The following NETO2 variants were observed in gnomAD, a reference collection of about 807,000 sequenced individuals.
NETO2 encodes neuropilin and tolloid-like protein 2.
A neutral mutation model predicts 62.5 loss-of-function variants in NETO2; 28 were observed. The ratio of observed to expected loss-of-function variants is 0.45; its 90% CI spans 0.33 to 0.61. NETO2 has a LOEUF of 0.61. NETO2 is among the 20% of genes least tolerant of loss of function. NETO2 has a pLI of 0.02. For synonymous variants in NETO2, 214 were observed against 219.1 expected (o/e 0.98, Z 0.21); for missense variants, 548 against 643.2 (o/e 0.85, Z 1.60).
At chr16:47,130,313 C>G (rs1964239071) in intron 2 of NETO2, among the ~76,000 whole-genome samples, 1 of 152,146 alleles carries the variant, frequency 6.6e-6, no homozygotes, top group African/African-American at 2.4e-5. Context: ...AGTGTCAGAT[C>G]TGTCAACAGT....
chr16:47,137,285 C>G (rs901098981), intron 1 of NETO2, among the ~76,000 whole-genome samples: 1 of 152,212 alleles, frequency 6.6e-6, no homozygotes. Context: ...TTCAGAGACT[C>G]TGATCCACTG....
chr16:47,095,623 C>T (rs1963412226), intron 7 of NETO2, among the ~76,000 whole-genome samples: 1 of 152,078 alleles, frequency 6.6e-6, no homozygotes, highest in Non-Finnish European at 1.5e-5. Flanking sequence ...CGATTATAAA[C>T]ATATATGGAC....
At position 47,077,818 on chromosome 16, in the gene NETO2, CCTT is replaced by C. The variant is rs1197052445; in HGVS notation, c.*5400_*5402del. The C allele has an allele frequency of 6.6e-6, 1 of 152,092 alleles. No individual in the cohort carries two copies. The highest frequency in any genetic ancestry group is 1.5e-5 in the Non-Finnish European group (1 of 68,034). The allele number at this position is 152,092 out of a possible 1,614,324, so 9.4% of individuals were successfully genotyped here. ...TTTACAGAGACAGACCAGTGGTAAA[CCTT>C]CTTTCTTCTTCCTCTGTGCCCTGAT... On this transcript the variant is annotated 3_prime_UTR_variant, in exon 9 of 9. Coordinates refer to ENST00000562435, the MANE Select transcript of NETO2 (RefSeq NM_018092.5).
rs1172082903 is a variant in NETO2 at position 47,143,815 on chromosome 16, C to T, written c.-203G>A. The T allele has an allele frequency of 8.1e-6, 5 of 616,866 alleles. No homozygotes were observed. Among genetic ancestry groups the T allele is most frequent in the African/African-American group, 7.8e-5 (4 of 51,440 alleles). The allele number at this position is 616,866 out of a possible 1,614,324, so 38.2% of individuals were successfully genotyped here. A position where few individuals can be genotyped will look rare whatever the true frequency, so the allele number is the denominator to read the frequency against. Reference sequence around the variant, plus strand: ...GTGGGCTCCCGCGCGGCCCGAGCACCCCGACGGGCGCCGCCTCCTGCTCCG... The same window carrying T: ...GTGGGCTCCCGCGCGGCCCGAGCACTCCGACGGGCGCCGCCTCCTGCTCCG... On this transcript the variant is annotated 5_prime_UTR_variant, in exon 1 of 9. Coordinates refer to ENST00000562435, the MANE Select transcript of NETO2 (RefSeq NM_018092.5).
chr16:47,142,988 G>A (rs1964492500), intron 1 of NETO2, among the ~76,000 whole-genome samples: 1 of 151,770 alleles, frequency 6.6e-6, no homozygotes, highest in Admixed American at 6.6e-5. Context: ...AGCCGGGTCC[G>A]CGGCGCCCGC....
At chr16:47,123,294 T>C (rs1241918345) in intron 4 of NETO2, among the ~76,000 whole-genome samples, 2 of 152,196 alleles carry the variant, frequency 1.3e-5, no homozygotes, top group Non-Finnish European at 2.9e-5. Context: ...ATGGTGGTAA[T>C]AGTTGCATAA....
chr16:47,133,433 C>G lies in NETO2; in HGVS notation c.35-1408G>C, dbSNP rs1034149790. On this transcript the variant is annotated intron_variant, in intron 1 of 8. Coordinates refer to ENST00000562435, the MANE Select transcript of NETO2 (RefSeq NM_018092.5). ...ATTAGCCAGGCATGGTGGCATGTGC[C>G]TATAGTCCTAGCCACTTGGGAGGCT... Among the ~76,000 whole-genome samples, 66 of 151,476 alleles carry G rather than the reference C, an allele frequency of 4.4e-4. 1 individual carries two copies. Among genetic ancestry groups the G allele is most frequent in the Non-Finnish European group, 1.5e-4 (10 of 67,920 alleles).
chr16:47,097,554 G>A (rs1322052488), intron 7 of NETO2, among the ~76,000 whole-genome samples: 1 of 152,164 alleles, frequency 6.6e-6, no homozygotes, highest in African/African-American at 2.4e-5. Context: ...TCCCATCTCC[G>A]TGGGACAGAG....
rs1333837965 is a variant in NETO2 at position 47,079,992 on chromosome 16, T to G, written c.*3229A>C. 1 of 152,198 alleles carries G rather than the reference T, an allele frequency of 6.6e-6. No homozygotes were observed. The highest frequency in any genetic ancestry group is 1.5e-5 in the Non-Finnish European group (1 of 68,036). 9.4% of individuals were successfully genotyped at this position (152,198 alleles called of 1,614,324 possible). Reference sequence around the variant, plus strand: ...ACCATACAAATGTTCAGAGGCAGACTTTCAGGAGGTTCTTTTAAAGTCTAA... The same window carrying G: ...ACCATACAAATGTTCAGAGGCAGACGTTCAGGAGGTTCTTTTAAAGTCTAA... On this transcript the variant is annotated 3_prime_UTR_variant, in exon 9 of 9. Coordinates refer to ENST00000562435, the MANE Select transcript of NETO2 (RefSeq NM_018092.5).
intron 3 of NETO2, 48 bp from the exon 4 acceptor site, chr16:47,128,621 T>C: frequency 6.3e-7 from 1 of 1,575,238 alleles, no homozygotes. Context: ...CAAGAAAGAA[T>C]ATAAATGTAT....
chr16:47,097,185 C>G (rs1287726387), intron 7 of NETO2, among the ~76,000 whole-genome samples: 1 of 152,178 alleles, frequency 6.6e-6, no homozygotes, highest in Admixed American at 6.5e-5. Flanking sequence ...TGTTCATTCC[C>G]CTGGAAAGGG....
rs1333508908 is a variant in NETO2, at chr16:47,078,774, A to G, written c.*4447T>C. 1.3e-5 allele frequency: 2 copies of G among 152,244 alleles called. No individual in the cohort carries two copies. The highest frequency in any genetic ancestry group is 2.1e-4 in the South Asian group (1 of 4,838). 9.4% of individuals were successfully genotyped at this position (152,244 alleles called of 1,614,324 possible). On this transcript the variant is annotated 3_prime_UTR_variant, in exon 9 of 9. Transcript: ENST00000562435. ...AAGAACACAGGAGCTCTTCCTGCCT[A>G]GTATCGAGCCTGTATACTGTTAACA...
At position 47,083,244 on chromosome 16, in the gene NETO2, C is replaced by T. The variant is rs1241500296; in HGVS notation, c.1555G>A (p.Ala519Thr). 6.2e-7 allele frequency: 1 copy of T among 1,612,522 alleles called. No individual in the cohort carries two copies. Among genetic ancestry groups the T allele is most frequent in the Non-Finnish European group, 8.5e-7 (1 of 1,178,976 alleles). The change falls in exon 9 of 9, where the codon GCA becomes ACA. Residue 519 changes from alanine (A) to threonine (T), a missense_variant. Coordinates refer to ENST00000562435, the MANE Select transcript of NETO2 (RefSeq NM_018092.5). The stretch of plus-strand genomic sequence containing the variant: ...GATTAGAAGTCAATGGATATGGATG[C>T]TTGTGCAGAATCTTCTCGCCCCCTG... ...YVRGREDSAQ[A>T]SISIDF
chr16:47,083,509 G>A lies in NETO2; in HGVS notation c.1290C>T (p.Thr430=), dbSNP rs746323210. 54 of 1,614,224 alleles carry A rather than the reference G, an allele frequency of 3.3e-5. No individual in the cohort carries two copies. Among genetic ancestry groups the A allele is most frequent in the South Asian group, 2.2e-4 (20 of 91,082 alleles). ...DNYQKMRRSS[T]ASRCIHDHHC... is the part of the protein sequence containing the mutation. ...GGTGGTCGTGGATGCAGCGGGAGGC[G>A]GTGGAGGAGCGCCGCATCTTCTGGT... Residue 430 remains threonine (T), a synonymous_variant, in exon 9 of 9, where the codon ACC becomes ACT. Transcript: ENST00000562435.
In NETO2 at chr16:47,143,878, G is replaced by A. The variant is rs1964520479; in HGVS notation, c.-266C>T. 1 of 250,976 alleles carries A rather than the reference G, an allele frequency of 4.0e-6. No homozygotes were observed. 15.5% of individuals were successfully genotyped at this position (250,976 alleles called of 1,614,324 possible). A position where few individuals can be genotyped will look rare whatever the true frequency, so the allele number is the denominator to read the frequency against. On this transcript the variant is annotated 5_prime_UTR_variant, in exon 1 of 9. Coordinates refer to ENST00000562435, the MANE Select transcript of NETO2 (RefSeq NM_018092.5). Reference sequence around the variant, plus strand: ...CCATCGACCGCCCGAGGGCCGAGGAGTGCGGACGCGCGGCGCGGGACCGGC... The same window carrying A: ...CCATCGACCGCCCGAGGGCCGAGGAATGCGGACGCGCGGCGCGGGACCGGC...
chr16:47,120,557 G>A (rs1259160426), intron 6 of NETO2, among the ~76,000 whole-genome samples: 2 of 152,142 alleles, frequency 1.3e-5, no homozygotes. Flanking sequence ...ATTGTTGACT[G>A]TAGTCACTGT....
At chr16:47,104,427 C>T (rs1963625314) in intron 7 of NETO2, among the ~76,000 whole-genome samples, 1 of 152,172 alleles carries the variant, frequency 6.6e-6, no homozygotes, top group African/African-American at 2.4e-5. Flanking sequence ...AATGGGAAGA[C>T]TTCATACAGT....
chr16:47,092,614 CT>C (rs1263588445), intron 7 of NETO2, among the ~76,000 whole-genome samples: 3 of 152,142 alleles, frequency 2.0e-5, no homozygotes, highest in Non-Finnish European at 2.9e-5. Context: ...GGCTAAAAGC[CT>C]TTCTTGTTAG....
chr16:47,123,470 C>A (rs1964085377), intron 4 of NETO2, among the ~76,000 whole-genome samples: 1 of 151,554 alleles, frequency 6.6e-6, no homozygotes, highest in Admixed American at 6.6e-5. Flanking sequence ...AGCACTATTG[C>A]CCTTCAGCCT....
Sources: gnomAD v4.1 joint callset for allele counts (sites outside exome capture counted in the v4.1 genomes callset) on GRCh38, gnomAD v4.1.1 for gene constraint, MANE v1.5 for transcripts, NCBI Gene and HGNC (gene_info 2026-07-23, HGNC 2026-07-21) for gene names.